CSNK2A2: variants seen among roughly 807,000 people sequenced by gnomAD.
CSNK2A2 encodes casein kinase II subunit alpha'.
In CSNK2A2, 8 loss-of-function variants were observed where a neutral mutation model predicts 54.0. The ratio of observed to expected loss-of-function variants is 0.15; its 90% CI spans 0.09 to 0.27. CSNK2A2 has a LOEUF of 0.27. CSNK2A2 is among the 10% of genes least tolerant of loss of function. CSNK2A2 has a pLI of 1.00. For missense variants in CSNK2A2, 242 were observed against 439.4 expected, an observed-to-expected ratio of 0.55 and a Z score of 4.02; for synonymous variants, 141 against 153.9, an observed-to-expected ratio of 0.92 and a Z score of 0.62.
chr16:58,186,666 G>A, intron 3 of CSNK2A2, 89 bp downstream of exon 3: 1 of 873,162 alleles, frequency 1.1e-6, no homozygotes, highest in Non-Finnish European at 1.8e-6. Flanking sequence ...CATCCCCACT[G>A]TATCATTACG....
At chr16:58,178,499 C>T (rs1961938914) in intron 4 of CSNK2A2, among the ~76,000 whole-genome samples, 1 of 152,234 alleles carries the variant, frequency 6.6e-6, no homozygotes, top group African/African-American at 2.4e-5. Context: ...TCAGGCTGGT[C>T]TCTAACTCCC....
chr16:58,186,737 C>G lies in CSNK2A2; in HGVS notation c.318+18G>C. 1 of 1,601,294 alleles carries G rather than the reference C, an allele frequency of 6.2e-7. No homozygotes were observed. Among genetic ancestry groups the G allele is most frequent in the African/African-American group, 1.3e-5 (1 of 74,744 alleles). On this transcript the variant is annotated intron_variant, in intron 3 of 11. Coordinates refer to ENST00000262506, the MANE Select transcript of CSNK2A2 (RefSeq NM_001896.4). ...ACCCCGGTCTACTAGTATACTCCCC[C>G]AACCATTTGGCACCTACCACGGGGT...
chr16:58,178,626 A>G (rs184842050), intron 4 of CSNK2A2, among the ~76,000 whole-genome samples: 142 of 152,244 alleles, frequency 9.3e-4, no homozygotes, highest in African/African-American at 3.2e-3. Flanking sequence ...TATTCAGTCC[A>G]ACTCTTAGAG....
intron 10 of CSNK2A2, among the ~76,000 whole-genome samples, chr16:58,165,185 AAT>A (rs1417174992): frequency 6.6e-6 from 1 of 152,210 alleles, no homozygotes; most frequent in Non-Finnish European, 1.5e-5. Flanking sequence ...CAAAACATAC[AAT>A]AGTTATCTTA....
At chr16:58,186,584 C>G (rs1196758675) in intron 3 of CSNK2A2, among the ~76,000 whole-genome samples, 171 bp downstream of exon 3, 1 of 152,164 alleles carries the variant, frequency 6.6e-6, no homozygotes, top group Non-Finnish European at 1.5e-5. Context: ...GTGGTGGTAG[C>G]TGTTTTATCA....
At chr16:58,159,782 G>C (rs1961271429) in intron 11 of CSNK2A2, 1 of 152,170 alleles carries the variant, frequency 6.6e-6, no homozygotes, top group Non-Finnish European at 1.5e-5. Context: ...AAGGCTCCAT[G>C]GTCCTTGAAG....
chr16:58,185,348 C>T (rs577795765), intron 3 of CSNK2A2, among the ~76,000 whole-genome samples: 4 of 152,292 alleles, frequency 2.6e-5, no homozygotes, highest in South Asian at 2.1e-4. Context: ...CTTCTCTCAA[C>T]GGGAGAATAG....
chr16:58,163,695 A>G (rs12596962), intron 11 of CSNK2A2: 6,154 of 159,898 alleles, frequency 0.038, 184 homozygotes, highest in East Asian at 0.15. Context: ...CCAGACCACA[A>G]TGGAATAGAT....
chr16:58,192,159 G>C (rs116845522), intron 2 of CSNK2A2, among the ~76,000 whole-genome samples: 1 of 152,128 alleles, frequency 6.6e-6, no homozygotes, highest in Non-Finnish European at 1.5e-5. Context: ...AGTCAAGTGG[G>C]TATCAATGAA....
chr16:58,174,905 T>C (rs1961836650), intron 4 of CSNK2A2, among the ~76,000 whole-genome samples: 1 of 152,170 alleles, frequency 6.6e-6, no homozygotes, highest in Non-Finnish European at 1.5e-5. Flanking sequence ...TCTAGAGAAG[T>C]GAGTTCTGAG....
chr16:58,182,198 C>T (rs1380956519), intron 4 of CSNK2A2, among the ~76,000 whole-genome samples: 1 of 151,828 alleles, frequency 6.6e-6, no homozygotes, highest in Non-Finnish European at 1.5e-5. Context: ...AACTGATCTT[C>T]AGCAGTTGTT....
chr16:58,197,820 G>A lies in CSNK2A2; in HGVS notation c.-84C>T, dbSNP rs1398267629. The stretch of plus-strand genomic sequence containing the variant: ...GGGACGCGGGGCGTCGGGCGGAGGA[G>A]GCAGCGGGCCGCCGGGCGCTGGAGG... On this transcript the variant is annotated 5_prime_UTR_variant, in exon 1 of 12. Transcript: ENST00000262506. The surrounding 1 kb of genome is among the most constrained non-coding windows in gnomAD (Gnocchi z 4.0). 1.5e-5 allele frequency: 4 copies of A among 266,876 alleles called. No individual in the cohort carries two copies. Among genetic ancestry groups the A allele is most frequent in the South Asian group, 1.3e-4 (1 of 7,896 alleles). The allele number at this position is 266,876 out of a possible 1,614,324, so 16.5% of individuals were successfully genotyped here.
At chr16:58,193,203 C>A (rs974387764) in intron 2 of CSNK2A2, among the ~76,000 whole-genome samples, 8 of 152,080 alleles carry the variant, frequency 5.3e-5, no homozygotes, top group Non-Finnish European at 4.4e-5. Context: ...AAACCTACCA[C>A]AGGAGAAATA....
At chr16:58,185,161 A>G (rs975215736) in intron 3 of CSNK2A2, among the ~76,000 whole-genome samples, 18 of 152,180 alleles carry the variant, frequency 1.2e-4, no homozygotes, top group Non-Finnish European at 2.1e-4. Flanking sequence ...TAGAAAAAAA[A>G]AAACATCTAG....
At chr16:58,192,580 C>G (rs1044413763) in intron 2 of CSNK2A2, 2 of 152,174 alleles carry the variant, frequency 1.3e-5, no homozygotes, top group Admixed American at 1.3e-4. Context: ...CTATAGCCCT[C>G]GAGGACTCTT....
At chr16:58,189,794 C>T (rs1160535062) in intron 2 of CSNK2A2, among the ~76,000 whole-genome samples, 2 of 152,152 alleles carry the variant, frequency 1.3e-5, no homozygotes, top group Non-Finnish European at 2.9e-5. Flanking sequence ...GACCCACAGT[C>T]CAGGACACTT....
intron 10 of CSNK2A2, among the ~76,000 whole-genome samples, chr16:58,164,589 T>C (rs946084308): frequency 6.6e-6 from 1 of 152,218 alleles, no homozygotes; most frequent in Non-Finnish European, 1.5e-5. Context: ...AATTGAAGTA[T>C]GACATATATT....
intron 2 of CSNK2A2, among the ~76,000 whole-genome samples, chr16:58,193,142 G>A (rs1314087954): frequency 6.6e-6 from 1 of 152,222 alleles, no homozygotes; most frequent in Non-Finnish European, 1.5e-5. Flanking sequence ...CCACTAATGT[G>A]TTGTTTCAGG....
chr16:58,159,390 G>C (rs1007384899), intron 11 of CSNK2A2, among the ~76,000 whole-genome samples: 2 of 152,150 alleles, frequency 1.3e-5, no homozygotes, highest in Non-Finnish European at 2.9e-5. Flanking sequence ...TCAGAAGCAA[G>C]TACATAAAAA....
Sources: allele counts gnomAD v4.1 joint callset (sites outside exome capture counted in the v4.1 genomes callset), GRCh38; gene constraint gnomAD v4.1.1; non-coding constraint Gnocchi (gnomAD v3.1); transcripts MANE v1.5; gene names NCBI Gene and HGNC (gene_info 2026-07-23, HGNC 2026-07-21).